The following MTSS1 variants were observed in gnomAD, a reference collection of about 807,000 sequenced individuals.
MTSS1 encodes the protein protein MTSS 1.
A neutral mutation model predicts 79.0 loss-of-function variants in MTSS1; 18 were observed. That is an observed-to-expected ratio of 0.23 (90% CI 0.16 to 0.34). The LOEUF (loss-of-function observed/expected upper bound fraction) is 0.34, where lower values mean the gene tolerates loss of function less well. MTSS1 is among the 10% of genes least tolerant of loss of function. The probability of loss-of-function intolerance (pLI) is 1.00; values close to 1 mark genes in which losing one functional copy is unlikely to be tolerated. For missense variants in MTSS1, 815 were observed against 986.2 expected (o/e 0.83, Z 2.33); for synonymous variants, 341 against 368.6 (o/e 0.93, Z 0.86).
rs1285709717 is a variant in MTSS1 at position 124,557,841 on chromosome 8, C to T, written c.1070G>A (p.Ser357Asn). 2.1e-5 allele frequency: 33 copies of T among 1,584,450 alleles called. No individual in the cohort carries two copies. The highest frequency in any genetic ancestry group is 2.7e-5 in the Non-Finnish European group (32 of 1,165,526). Residue 357 changes from serine (S) to asparagine (N), a missense_variant, in exon 11 of 14, where the codon AGT (serine) becomes AAT (asparagine). Ser to Asn is a conservative substitution (Grantham distance 46). Transcript: ENST00000518547. ...SNGFSHYSLS[S>N]ESHVGPTGAG... is the part of the protein sequence containing the mutation. ...ACCCGTGGGCCCCACGTGGGACTCA[C>T]TTGATAAACTATAGTGAGAAAACCC...
rs758181793 is a variant in MTSS1 at position 124,553,119 on chromosome 8, T to A, written c.2141A>T (p.Glu714Val). Residue 714 changes from glutamate (E) to valine (V), a missense_variant, in exon 14 of 14, where the codon GAG (glutamate) becomes GTG (valine). Glu to Val is a moderately radical substitution (Grantham distance 121, BLOSUM62 -2). Transcript: ENST00000518547. The surrounding 1 kb of genome is among the most constrained non-coding windows in gnomAD (Gnocchi z 6.0). ...TGGGCTCAGGTCTGCAGGGTCACTC[T>A]CTGGAATCTGGCCTGGGGAGACAGT... The part of the protein sequence containing the change: ...SATVSPGQIP[E>V]SDPADLSPRD... 1 of 1,614,138 alleles carries A rather than the reference T, an allele frequency of 6.2e-7. No homozygotes were observed. Among genetic ancestry groups the A allele is most frequent in the South Asian group, 1.1e-5 (1 of 91,086 alleles).
At chr8:124,657,849 G>A (rs1821252934) in intron 3 of MTSS1, among the ~76,000 whole-genome samples, 1 of 152,180 alleles carries the variant, frequency 6.6e-6, no homozygotes, top group Non-Finnish European at 1.5e-5. Flanking sequence ...TCCATCTACT[G>A]TGGACTAAGT....
At chr8:124,592,516 G>T (rs1234338571) in intron 3 of MTSS1, among the ~76,000 whole-genome samples, 1 of 152,140 alleles carries the variant, frequency 6.6e-6, no homozygotes, top group Admixed American at 6.5e-5. Flanking sequence ...TAGTACTCGT[G>T]ACATTACTAT....
chr8:124,692,086 G>C (rs1828032323), intron 3 of MTSS1, among the ~76,000 whole-genome samples: 1 of 148,208 alleles, frequency 6.7e-6, no homozygotes, highest in South Asian at 2.2e-4. Context: ...CTGGAGTGCA[G>C]TGGCATGATC....
At chr8:124,603,272 C>T (rs1262104605) in intron 3 of MTSS1, among the ~76,000 whole-genome samples, 2 of 152,056 alleles carry the variant, frequency 1.3e-5, no homozygotes, top group Admixed American at 6.5e-5. Context: ...GTGATCTGCC[C>T]GCCTCAGCCT....
intron 1 of MTSS1, among the ~76,000 whole-genome samples, chr8:124,722,553 G>A (rs796225625): frequency 2.0e-5 from 3 of 152,040 alleles, no homozygotes; most frequent in Admixed American, 1.3e-4. Flanking sequence ...CTCAGCAATC[G>A]TGACAATGGG....
chr8:124,577,535 C>T (rs1291369534), intron 6 of MTSS1: 1 of 516,946 alleles, frequency 1.9e-6, no homozygotes, highest in Non-Finnish European at 3.9e-6. Context: ...CTGTGCCCGG[C>T]CTTGGAGGAG....
intron 6 of MTSS1, among the ~76,000 whole-genome samples, chr8:124,575,961 A>G (rs1828892164): frequency 6.6e-6 from 1 of 152,054 alleles, no homozygotes; most frequent in Admixed American, 6.6e-5. Flanking sequence ...TCTCCTAAGT[A>G]GCTCTTGAAT....
intron 6 of MTSS1, chr8:124,580,593 AG>A: frequency 6.5e-7 from 1 of 1,535,582 alleles, no homozygotes; most frequent in Non-Finnish European, 8.7e-7. Context: ...GAGAAAGTGC[AG>A]GATACACAAT....
intron 3 of MTSS1, among the ~76,000 whole-genome samples, chr8:124,684,072 A>G (rs1826563914): frequency 6.6e-6 from 1 of 152,224 alleles, no homozygotes; most frequent in Non-Finnish European, 1.5e-5. Flanking sequence ...ATCAGAGTAA[A>G]GACAGCCACA....
chr8:124,581,491 C>T (rs1394906804), intron 6 of MTSS1, among the ~76,000 whole-genome samples: 6 of 150,972 alleles, frequency 4.0e-5, no homozygotes, highest in East Asian at 3.9e-4. Flanking sequence ...AGTCTCCCTC[C>T]GTTGCCCAGG....
At chr8:124,618,201 TC>T (rs1812782627) in intron 3 of MTSS1, among the ~76,000 whole-genome samples, 1 of 152,164 alleles carries the variant, frequency 6.6e-6, no homozygotes, top group South Asian at 2.1e-4. Flanking sequence ...ACCAGACTCC[TC>T]AGCCTTTATA....
At position 124,553,634 on chromosome 8, in the gene MTSS1, G is replaced by A. The variant is rs372041991; in HGVS notation, c.1626C>T (p.Phe542=). The change falls in exon 14 of 14, where the codon TTC becomes TTT. Residue 542 remains phenylalanine (F), a synonymous_variant. Transcript: ENST00000518547. The surrounding 1 kb of genome is among the most constrained non-coding windows in gnomAD (Gnocchi z 6.0). ...SGDQEADQQE[F]DKSSTIPRNS... The stretch of plus-strand genomic sequence containing the variant: ...TTCTTGGAATGGTGGAGGACTTGTC[G>A]AACTCCTGCTGATCTGCCTCCTGGT... 2.0e-5 allele frequency: 32 copies of A among 1,613,984 alleles called. No homozygotes were observed. Among genetic ancestry groups the A allele is most frequent in the East Asian group, 1.3e-4 (6 of 44,890 alleles).
rs35989648 is a variant in MTSS1 at position 124,716,044 on chromosome 8, GA to G, written c.72+11839del. Among the ~76,000 whole-genome samples the G allele has an allele frequency of 1.7e-3, 256 of 152,324 alleles. 3 individuals are homozygous for G. The highest frequency in any genetic ancestry group is 5.9e-3 in the African/African-American group (247 of 41,580). Reference sequence around the variant, plus strand: ...ATGCCAATCACCCTGACTGGGCCATGAATGGGCACCTACTATGCGCAGGCAC... The same window carrying G: ...ATGCCAATCACCCTGACTGGGCCATGATGGGCACCTACTATGCGCAGGCAC... On this transcript the variant is annotated intron_variant, in intron 1 of 13. Transcript: ENST00000518547.
intron 3 of MTSS1, among the ~76,000 whole-genome samples, chr8:124,661,552 G>A (rs1214329030): frequency 6.6e-6 from 1 of 152,204 alleles, no homozygotes; most frequent in Non-Finnish European, 1.5e-5. Flanking sequence ...AAACTGGACA[G>A]GCCACAGGGT....
chr8:124,575,745 A>T (rs1828848124), intron 6 of MTSS1, among the ~76,000 whole-genome samples: 1 of 152,202 alleles, frequency 6.6e-6, no homozygotes, highest in Non-Finnish European at 1.5e-5. Flanking sequence ...AAAGCAAAGG[A>T]TAAAAAGAGA....
chr8:124,705,931 A>G (rs1002025789), intron 1 of MTSS1, among the ~76,000 whole-genome samples: 1 of 152,212 alleles, frequency 6.6e-6, no homozygotes, highest in Non-Finnish European at 1.5e-5. Context: ...GGACATTGCC[A>G]GATGGCCCCT....
chr8:124,681,728 C>T (rs1472213778), intron 3 of MTSS1, among the ~76,000 whole-genome samples: 1 of 152,238 alleles, frequency 6.6e-6, no homozygotes. Flanking sequence ...GCAGAGGTTG[C>T]AGTGAGCCGA....
At chr8:124,685,698 C>G (rs912147605) in intron 3 of MTSS1, among the ~76,000 whole-genome samples, 1 of 152,074 alleles carries the variant, frequency 6.6e-6, no homozygotes, top group Non-Finnish European at 1.5e-5. Context: ...CCATTCATCC[C>G]CCAAATCTAA....
Sources: allele counts gnomAD v4.1 joint callset (sites outside exome capture counted in the v4.1 genomes callset), GRCh38; gene constraint gnomAD v4.1.1; non-coding constraint Gnocchi (gnomAD v3.1); transcripts MANE v1.5; gene names NCBI Gene and HGNC (gene_info 2026-07-23, HGNC 2026-07-21).